RLIG1: variants seen among roughly 807,000 people sequenced by gnomAD.
The protein encoded by RLIG1 is RNA 5'-phosphate and 3'-OH ligase 1.
At chr12:88,046,862 A>G in the RLIG1 span, 4 of 1,613,182 alleles carry the variant, frequency 2.5e-6, no homozygotes, top group African/African-American at 1.3e-5. Context: ...GAGCATTTCA[A>G]ATAAGAAATC....
the RLIG1 span, chr12:88,049,827 A>G: frequency 6.4e-6 from 1 of 156,520 alleles, no homozygotes; most frequent in African/African-American, 2.4e-5. Context: ...TTAATGAATA[A>G]TGATCAATTT....
At chr12:88,049,385 C>G in the RLIG1 span, 1 of 1,535,834 alleles carries the variant, frequency 6.5e-7, no homozygotes, top group Non-Finnish European at 8.9e-7. Context: ...CAAAATTTTC[C>G]AGTTCTTTTT....
the RLIG1 span, chr12:88,043,956 T>C: frequency 2.1e-6 from 1 of 486,948 alleles, no homozygotes; most frequent in Non-Finnish European, 3.6e-6. Flanking sequence ...AGCTGTAGTC[T>C]GTGACAATAA....
At chr12:88,046,042 AC>A in the RLIG1 span, among the ~76,000 whole-genome samples, 2 of 152,052 alleles carry the variant, frequency 1.3e-5, no homozygotes, top group African/African-American at 2.4e-5. Context: ...CTCAGTTGTA[AC>A]CCCCTTGCTT....
At chr12:88,049,016 T>C in the RLIG1 span, 53 of 424,646 alleles carry the variant, frequency 1.2e-4, no homozygotes, top group East Asian at 1.7e-3. Context: ...ACTTTTATAA[T>C]AAGTTGAAAA....
the RLIG1 span, chr12:88,043,626 TCAAAC>T: frequency 1.2e-6 from 2 of 1,612,212 alleles, no homozygotes; most frequent in Non-Finnish European, 1.7e-6. Context: ...GAGGAGGACT[TCAAAC>T]CAGCTCCGGA....
chr12:88,043,868 C>A, the RLIG1 span: 3 of 628,016 alleles, frequency 4.8e-6, no homozygotes, highest in Non-Finnish European at 8.3e-6. Flanking sequence ...GTCCTACATA[C>A]ATTTTATATC....
At chr12:88,048,763 T>C in the RLIG1 span, 47 of 196,884 alleles carry the variant, frequency 2.4e-4, no homozygotes, top group East Asian at 5.3e-3. Flanking sequence ...TTGCTAGATA[T>C]TTAACAAAAC....
the RLIG1 span, chr12:88,049,543 G>A: frequency 1.6e-6 from 1 of 613,920 alleles, no homozygotes; most frequent in Non-Finnish European, 2.9e-6. Flanking sequence ...AATAAAGGCA[G>A]AAGAATTAAG....
chr12:88,038,854 G>A, the RLIG1 span, among the ~76,000 whole-genome samples: 34 of 152,286 alleles, frequency 2.2e-4, no homozygotes, highest in African/African-American at 7.9e-4. Context: ...AATGATAATT[G>A]CTTCATGAAA....
the RLIG1 span, chr12:88,035,879 G>A: frequency 6.6e-7 from 1 of 1,508,292 alleles, no homozygotes. Context: ...TCCCTGGGGA[G>A]GTCTGGGGTG....
chr12:88,039,782 TG>T, the RLIG1 span, among the ~76,000 whole-genome samples: 1 of 152,334 alleles, frequency 6.6e-6, no homozygotes, highest in South Asian at 2.1e-4. Flanking sequence ...GGTACTTTTT[TG>T]TTCACCTCTG....
At chr12:88,049,197 A>T in the RLIG1 span, 2 of 1,588,768 alleles carry the variant, frequency 1.3e-6, no homozygotes, top group Non-Finnish European at 1.7e-6. Flanking sequence ...GTAAATGGGG[A>T]AATTAACAGG....
chr12:88,048,335 C>T, the RLIG1 span: 9 of 1,604,066 alleles, frequency 5.6e-6, no homozygotes, highest in African/African-American at 1.1e-4. Context: ...GTGACTCTGC[C>T]TTTGATATTA....
the RLIG1 span, chr12:88,043,838 C>G: frequency 1.4e-6 from 1 of 694,598 alleles, no homozygotes; most frequent in Admixed American, 3.0e-5. Context: ...CACAGAATTT[C>G]TGAATCAAAT....
the RLIG1 span, among the ~76,000 whole-genome samples, chr12:88,038,837 G>T: frequency 6.6e-6 from 1 of 152,086 alleles, no homozygotes; most frequent in Non-Finnish European, 1.5e-5. Flanking sequence ...GACAATGAAG[G>T]TATACTAATG....
chr12:88,048,516 C>A, the RLIG1 span: 2 of 738,170 alleles, frequency 2.7e-6, no homozygotes, highest in Non-Finnish European at 2.0e-6. Context: ...TATGAAACAT[C>A]AATATGTTTT....
chr12:88,044,768 T>C, the RLIG1 span: 1 of 152,604 alleles, frequency 6.6e-6, no homozygotes, highest in Non-Finnish European at 1.5e-5. Context: ...GAATATCAGC[T>C]TAGGCAAACT....
At chr12:88,036,156 C>G in the RLIG1 span, 8 of 1,155,192 alleles carry the variant, frequency 6.9e-6, no homozygotes, top group East Asian at 3.4e-4. Context: ...TTTACCTGTT[C>G]TGTCCGAACC....
Sources: allele counts gnomAD v4.1 joint callset (sites outside exome capture counted in the v4.1 genomes callset), GRCh38; gene constraint gnomAD v4.1.1; transcripts MANE v1.5; gene names NCBI Gene and HGNC (gene_info 2026-07-23, HGNC 2026-07-21).